The following COL10A1 variants were observed in gnomAD, a reference collection of about 807,000 sequenced individuals.
COL10A1 encodes collagen alpha-1(X) chain.
A neutral mutation model predicts 18.2 loss-of-function variants in COL10A1; 10 were observed. The observed-to-expected ratio is 0.55, with a 90% confidence interval of 0.34 to 0.93. COL10A1 has a LOEUF of 0.93. Among genes scored for constraint, COL10A1 ranks in the 40% least tolerant of loss-of-function variants. The pLI, the probability that COL10A1 is intolerant of heterozygous loss-of-function variation, is 0.02. For missense variants in COL10A1, 897 were observed against 853.5 expected (o/e 1.05, Z -0.64); for synonymous variants, 330 against 316.6 (o/e 1.04, Z -0.45).
upstream of COL10A1, among the ~76,000 whole-genome samples, chr6:116,127,248 T>C (rs1288677396): frequency 1.3e-5 from 2 of 152,132 alleles, no homozygotes; most frequent in African/African-American, 2.4e-5. Context: ...GATTTGTCCT[T>C]TTTCTTTTCC....
intron 1 of COL10A1, among the ~76,000 whole-genome samples, chr6:116,139,332 G>A (rs1039854417): frequency 6.6e-6 from 1 of 152,082 alleles, no homozygotes; most frequent in Non-Finnish European, 1.5e-5. Flanking sequence ...TTAAACTCTT[G>A]TGTAGAATTT....
At chr6:116,177,832 T>C in the COL10A1 span, among the ~76,000 whole-genome samples, 6 of 152,268 alleles carry the variant, frequency 3.9e-5, no homozygotes, top group Non-Finnish European at 7.4e-5. Context: ...CTGATAAGCT[T>C]TAGGTAACAG....
At chr6:116,213,365 C>T in the COL10A1 span, among the ~76,000 whole-genome samples, 1 of 152,096 alleles carries the variant, frequency 6.6e-6, no homozygotes, top group East Asian at 1.9e-4. Flanking sequence ...CTATTCCTCA[C>T]AGCATCTCAG....
chr6:116,203,488 A>G, the COL10A1 span, among the ~76,000 whole-genome samples: 4 of 151,856 alleles, frequency 2.6e-5, no homozygotes, highest in Admixed American at 2.6e-4. Flanking sequence ...TCCTGCATCT[A>G]GTGGCTCTTC....
At chr6:116,211,728 A>G in the COL10A1 span, among the ~76,000 whole-genome samples, 6 of 152,046 alleles carry the variant, frequency 3.9e-5, no homozygotes, top group Admixed American at 3.3e-4. Flanking sequence ...TTTTTCTAAG[A>G]CATTTTTATA....
chr6:116,146,772 T>C (rs1270150791), intron 1 of COL10A1, among the ~76,000 whole-genome samples: 1 of 151,962 alleles, frequency 6.6e-6, no homozygotes, highest in Admixed American at 6.6e-5. Flanking sequence ...GACTGGGAAA[T>C]TTAATGTATG....
upstream of COL10A1, among the ~76,000 whole-genome samples, chr6:116,162,512 T>C (rs1212552937): frequency 1.3e-5 from 2 of 152,244 alleles, no homozygotes; most frequent in Non-Finnish European, 2.9e-5. Context: ...TTGCATGTTT[T>C]TTCTGCATAT....
chr6:116,180,344 C>T, the COL10A1 span, among the ~76,000 whole-genome samples: 7 of 151,866 alleles, frequency 4.6e-5, no homozygotes, highest in African/African-American at 1.7e-4. Flanking sequence ...CTCATTGGTG[C>T]AGGACAGTTT....
intron 1 of COL10A1, chr6:116,137,441 G>A (rs1019462813): frequency 5.5e-5 from 9 of 163,430 alleles, no homozygotes; most frequent in Non-Finnish European, 2.7e-5. Flanking sequence ...CACTCACGTA[G>A]TACACCTGGC....
In COL10A1 at chr6:116,120,844, C is replaced by A. The variant is rs749839210; in HGVS notation, c.1272G>T (p.Val424=). 18 of 1,614,014 alleles carry A rather than the reference C, an allele frequency of 1.1e-5. No individual in the cohort carries two copies. The highest frequency in any genetic ancestry group is 1.5e-5 in the Non-Finnish European group (18 of 1,179,956). The change falls in exon 3 of 3, where the codon GTG becomes GTT. Residue 424 remains valine, a synonymous_variant. Transcript: ENST00000651968. ...VGGPPGLPGP[V]GPAGAKGMPG... Reference sequence around the variant, plus strand: ...GCATTCCCTTTGCTCCTGCTGGGCCCACAGGGCCTGGGAGACCAGGAGGTC... The same window carrying A: ...GCATTCCCTTTGCTCCTGCTGGGCCAACAGGGCCTGGGAGACCAGGAGGTC...
At chr6:116,216,636 A>T in the COL10A1 span, among the ~76,000 whole-genome samples, 3 of 151,828 alleles carry the variant, frequency 2.0e-5, no homozygotes, top group African/African-American at 7.2e-5. Flanking sequence ...GATATTCTAG[A>T]TTTATTTATT....
At position 116,119,927 on chromosome 6, in the gene COL10A1, G is replaced by A; in HGVS notation, c.*146C>T. ...GTTGCTGCTCACTTTTCAGGGGGAA[G>A]GTTTGTTGGTCTGATAGCTCAAATC... On this transcript the variant is annotated 3_prime_UTR_variant, in exon 3 of 3. Transcript: ENST00000651968. The A allele has an allele frequency of 2.6e-6, 2 of 769,662 alleles. No homozygotes were observed. The highest frequency in any genetic ancestry group is 4.4e-6 in the Non-Finnish European group (2 of 458,864). 47.7% of individuals were successfully genotyped at this position (769,662 alleles called of 1,614,324 possible).
chr6:116,160,417 T>A (rs1252283262), upstream of COL10A1, among the ~76,000 whole-genome samples: 1 of 152,146 alleles, frequency 6.6e-6, no homozygotes, highest in Non-Finnish European at 1.5e-5. Context: ...ATGTCTTATT[T>A]TGAGAAGTGT....
the COL10A1 span, among the ~76,000 whole-genome samples, chr6:116,208,513 A>G: frequency 1.3e-5 from 2 of 152,064 alleles, no homozygotes; most frequent in Non-Finnish European, 2.9e-5. Context: ...TATTTCTTGC[A>G]CAGTTAATTT....
chr6:116,163,379 G>T (rs1411176008), upstream of COL10A1, among the ~76,000 whole-genome samples: 2 of 151,498 alleles, frequency 1.3e-5, no homozygotes, highest in African/African-American at 4.8e-5. Flanking sequence ...AAATTTATTT[G>T]TTTCCTCTAA....
At chr6:116,167,891 ATTC>A in the COL10A1 span, among the ~76,000 whole-genome samples, 1 of 152,134 alleles carries the variant, frequency 6.6e-6, no homozygotes, top group Non-Finnish European at 1.5e-5. Context: ...TTTCACTTTC[ATTC>A]TTAGAGAATA....
chr6:116,179,626 C>T, the COL10A1 span, among the ~76,000 whole-genome samples: 27 of 152,192 alleles, frequency 1.8e-4, no homozygotes, highest in South Asian at 5.2e-3. Context: ...TTGTTTTCAT[C>T]ATTCCCAGTG....
At chr6:116,167,838 T>C in the COL10A1 span, among the ~76,000 whole-genome samples, 1 of 152,178 alleles carries the variant, frequency 6.6e-6, no homozygotes, top group Non-Finnish European at 1.5e-5. Flanking sequence ...AGCTAAACAA[T>C]CATATCTGTG....
intron 2 of COL10A1, 72 bp from the exon 3 acceptor site, chr6:116,122,033 T>A: frequency 7.7e-7 from 1 of 1,295,494 alleles, no homozygotes; most frequent in Non-Finnish European, 1.1e-6. Context: ...TCATTGCCTT[T>A]CAAACTATGA....
Sources: gnomAD v4.1 joint callset for allele counts (sites outside exome capture counted in the v4.1 genomes callset) on GRCh38, gnomAD v4.1.1 for gene constraint, MANE v1.5 for transcripts, NCBI Gene and HGNC (gene_info 2026-07-23, HGNC 2026-07-21) for gene names.